Variants in SLC7A6 observed in about 807,000 individuals in gnomAD.
SLC7A6 encodes the protein solute carrier family 7 member 6.
Under a neutral mutation model 46.6 loss-of-function variants are expected in SLC7A6, and 29 were observed. The ratio of observed to expected loss-of-function variants is 0.62; its 90% CI spans 0.46 to 0.85. The LOEUF is 0.85. SLC7A6 is among the 40% of genes least tolerant of loss of function. The probability of loss-of-function intolerance (pLI) is 0.00; values close to 1 mark genes in which losing one functional copy is unlikely to be tolerated. For synonymous variants in SLC7A6, 276 were observed against 257.3 expected, an observed-to-expected ratio of 1.07 and a Z score of -0.70; for missense variants, 527 against 647.6, an observed-to-expected ratio of 0.81 and a Z score of 2.02.
intron 3 of SLC7A6, 37 bp downstream of exon 3, chr16:68,275,286 T>TGGGGGGG: frequency 2.5e-6 from 2 of 801,408 alleles, no homozygotes. Flanking sequence ...TGTTGGGGGG[T>TGGGGGGG]GGGGGGTACT....
rs115367167 is a variant in SLC7A6, at chr16:68,294,194, G to A, written c.1023-511G>A. On this transcript the variant is annotated intron_variant, in intron 7 of 10. Transcript: ENST00000219343. ...TAGGCATGAGCCACCATGCCTGGAC[G>A]CTGTGCCAGTCTTTTTCCCAGTCGG... Among the ~76,000 whole-genome samples the A allele has an allele frequency of 3.7e-3, 563 of 152,146 alleles. 1 individual carries two copies. The highest frequency in any genetic ancestry group is 0.013 in the African/African-American group (537 of 41,506).
chr16:68,286,143 A>G (rs2042927430), intron 3 of SLC7A6, among the ~76,000 whole-genome samples: 1 of 151,802 alleles, frequency 6.6e-6, no homozygotes, highest in Non-Finnish European at 1.5e-5. Flanking sequence ...AAAATGATAT[A>G]CTGCTGTTAC....
Position 68,291,615 on chromosome 16 carries a change from C to G in SLC7A6, c.976C>G (p.Leu326Val). The change falls in exon 7 of 11, where the codon CTG (leucine) becomes GTG (valine). Residue 326 changes from leucine (L) to valine (V), a missense_variant. Physicochemically the swap from Leu to Val is conservative, Grantham distance 32. Coordinates refer to ENST00000219343, the MANE Select transcript of SLC7A6 (RefSeq NM_003983.6). ...FSWTIPIAVA[L>V]SCFGGLNASI... Reference sequence around the variant, plus strand: ...CTGGACCATCCCCATTGCTGTTGCCCTGTCCTGCTTTGGGGGCCTCAATGC... The same window carrying G: ...CTGGACCATCCCCATTGCTGTTGCCGTGTCCTGCTTTGGGGGCCTCAATGC... 1.2e-6 allele frequency: 2 copies of G among 1,614,196 alleles called. No homozygotes were observed. Among genetic ancestry groups the G allele is most frequent in the Admixed American group, 1.7e-5 (1 of 60,022 alleles).
Position 68,281,400 on chromosome 16 carries a change from C to T in SLC7A6, c.523+6151C>T, listed in dbSNP as rs150812334. 5.9e-5 allele frequency among the ~76,000 whole-genome samples: 9 copies of T among 152,242 alleles called. No homozygotes were observed. The East Asian group carries it at 1.7e-3, about 29-fold the overall frequency. On this transcript the variant is annotated intron_variant, in intron 3 of 10. Coordinates refer to ENST00000219343, the MANE Select transcript of SLC7A6 (RefSeq NM_003983.6). ...GCTTTTTGCTTCTAATGGTAGAGGTCGGGGTGCTGCTGAACATACCACCAT... is the reference window on the plus strand; with the variant it reads ...GCTTTTTGCTTCTAATGGTAGAGGTTGGGGTGCTGCTGAACATACCACCAT...
Position 68,301,537 on chromosome 16 carries a change from G to A in SLC7A6, c.*4209G>A. The stretch of plus-strand genomic sequence containing the variant: ...AAATCCTTGCTCAATAAATAAAAAA[G>A]AATATAGAATTCTTTTTTTTTTAAA... On this transcript the variant is annotated 3_prime_UTR_variant, in exon 11 of 11. Transcript: ENST00000219343. 2 of 650,354 alleles carry A rather than the reference G, an allele frequency of 3.1e-6. No individual in the cohort carries two copies. Among genetic ancestry groups the A allele is most frequent in the Admixed American group, 7.2e-5 (2 of 27,746 alleles). The allele number at this position is 650,354 out of a possible 1,614,324, so 40.3% of individuals were successfully genotyped here. A position where few individuals can be genotyped will look rare whatever the true frequency, so the allele number is the denominator to read the frequency against.
At chr16:68,271,809 CT>C (rs555148108) in intron 2 of SLC7A6, among the ~76,000 whole-genome samples, 30 of 119,926 alleles carry the variant, frequency 2.5e-4, no homozygotes, top group South Asian at 3.6e-4. Context: ...TTTTTCTTTT[CT>C]TTTTTTTTTT....
chr16:68,284,662 C>G, intron 3 of SLC7A6: 1 of 985,330 alleles, frequency 1.0e-6, no homozygotes, highest in South Asian at 4.7e-5. Context: ...GTTAGTGGGT[C>G]TGAGGAGTGT....
intron 3 of SLC7A6, among the ~76,000 whole-genome samples, chr16:68,278,325 T>C (rs2042756575): frequency 6.6e-6 from 1 of 151,716 alleles, no homozygotes; most frequent in Non-Finnish European, 1.5e-5. Context: ...TTTTTTTTAT[T>C]GATCATTCTT....
chr16:68,294,624 C>A (rs2043125461), intron 7 of SLC7A6, 81 bp from the exon 8 acceptor site: 3 of 1,021,822 alleles, frequency 2.9e-6, no homozygotes, highest in Non-Finnish European at 3.1e-6. Context: ...GGGCTCTGAG[C>A]TGAGTTTGTC....
At chr16:68,286,091 C>CAAAAAAA (rs1165671231) in intron 3 of SLC7A6, among the ~76,000 whole-genome samples, 2 of 44,226 alleles carry the variant, frequency 4.5e-5, no homozygotes, top group Admixed American at 2.5e-4. Context: ...GACCCTGTCT[C>CAAAAAAA]AAAAAAAAAA....
In SLC7A6 at chr16:68,277,496, A is replaced by T. The variant is rs575202440; in HGVS notation, c.523+2247A>T. On this transcript the variant is annotated intron_variant, in intron 3 of 10. Coordinates refer to ENST00000219343, the MANE Select transcript of SLC7A6 (RefSeq NM_003983.6). Reference sequence around the variant, plus strand: ...CCGGCTAATTTTTTGTATTTTTAGTAGAGATGGGGTTTCACCGTGTTAGCC... The same window carrying T: ...CCGGCTAATTTTTTGTATTTTTAGTTGAGATGGGGTTTCACCGTGTTAGCC... 1.1e-3 allele frequency among the ~76,000 whole-genome samples: 163 copies of T among 151,574 alleles called. 2 individuals are homozygous for T. The highest frequency in any genetic ancestry group is 3.3e-3 in the African/African-American group (138 of 41,288).
At chr16:68,293,492 G>A in intron 7 of SLC7A6, among the ~76,000 whole-genome samples, 1 of 152,140 alleles carries the variant, frequency 6.6e-6, no homozygotes, top group East Asian at 1.9e-4. Context: ...TTCTTTTCTA[G>A]CCTTTCCCTG....
At chr16:68,270,785 GT>G (rs1159225661) in intron 2 of SLC7A6, among the ~76,000 whole-genome samples, 1 of 151,440 alleles carries the variant, frequency 6.6e-6, no homozygotes. Flanking sequence ...AAAAATTGTT[GT>G]TTGTCACTGG....
Position 68,275,028 on chromosome 16 carries a change from TG to T in SLC7A6, c.306del (p.Thr103ProfsTer14). The T allele has an allele frequency of 6.2e-7, 1 of 1,614,174 alleles. No individual in the cohort carries two copies. Among genetic ancestry groups the T allele is most frequent in the East Asian group, 2.2e-5 (1 of 44,874 alleles). On this transcript the variant is annotated frameshift_variant, in exon 3 of 11. Coordinates refer to ENST00000219343, the MANE Select transcript of SLC7A6 (RefSeq NM_003983.6). LOFTEE classifies it high-confidence loss of function. ...SVVGALCYAE[L>X]GTTITKSGAS... Reference sequence around the variant, plus strand: ...GTGGGTGCCCTTTGTTATGCAGAGCTGGGGACCACCATCACCAAGTCGGGAG... The same window carrying T: ...GTGGGTGCCCTTTGTTATGCAGAGCTGGGACCACCATCACCAAGTCGGGAG...
At chr16:68,270,382 C>T (rs1194946925) in intron 2 of SLC7A6, among the ~76,000 whole-genome samples, 16 of 151,908 alleles carry the variant, frequency 1.1e-4, no homozygotes, top group Admixed American at 3.3e-4. Context: ...TCAGGAGTGA[C>T]AGAGTTTGCT....
Position 68,301,420 on chromosome 16 carries a change from C to G in SLC7A6, c.*4092C>G. Reference sequence around the variant, plus strand: ...GTCAGCAGAGCCTAGAATGACATCCCGGGAGTGGATTCTAAATGTGATTTT... The same window carrying G: ...GTCAGCAGAGCCTAGAATGACATCCGGGGAGTGGATTCTAAATGTGATTTT... On this transcript the variant is annotated 3_prime_UTR_variant, in exon 11 of 11. Transcript: ENST00000219343. The G allele has an allele frequency of 1.9e-6, 3 of 1,609,326 alleles. No individual in the cohort carries two copies. The highest frequency in any genetic ancestry group is 2.5e-6 in the Non-Finnish European group (3 of 1,177,032).
At chr16:68,265,500 C>A in intron 1 of SLC7A6, 1 of 152,306 alleles carries the variant, frequency 6.6e-6, no homozygotes. Context: ...GGCAGCTCAT[C>A]TCGCAGGGCG....
In SLC7A6 at chr16:68,297,071, A is replaced by G. The variant is rs1418241074; in HGVS notation, c.1454-163A>G. ...GCATCAGACTCTGGTTGGGCATGGG[A>G]CAGAGGATGATGAGGCTTGTTGGGA... On this transcript the variant is annotated intron_variant, in intron 10 of 10. Transcript: ENST00000219343. 2.6e-5 allele frequency among the ~76,000 whole-genome samples: 4 copies of G among 152,190 alleles called. No homozygotes were observed. In the East Asian group the frequency reaches 7.7e-4, roughly 29 times the overall value.
At chr16:68,266,289 G>C (rs964991469) in intron 1 of SLC7A6, among the ~76,000 whole-genome samples, 1 of 151,864 alleles carries the variant, frequency 6.6e-6, no homozygotes, top group East Asian at 1.9e-4. Context: ...TTATGTAAAC[G>C]GTGCCCACGG....
Sources: gnomAD v4.1 joint callset for allele counts (sites outside exome capture counted in the v4.1 genomes callset) on GRCh38, gnomAD v4.1.1 for gene constraint, MANE v1.5 for transcripts, NCBI Gene and HGNC (gene_info 2026-07-23, HGNC 2026-07-21) for gene names.